The following VNN1 variants were observed in gnomAD, a reference collection of about 807,000 sequenced individuals.
VNN1 encodes the protein vanin 1, also known as pantetheinase.
VNN1 carries 29 observed loss-of-function variants against 41.9 expected under a neutral mutation model. The observed-to-expected ratio is 0.69, with a 90% CI of 0.52 to 0.94. The LOEUF is 0.94. Ranked by LOEUF, VNN1 falls within the 40% of genes least tolerant of loss-of-function variation. The pLI is 0.00. For missense variants in VNN1, 637 were observed against 621.1 expected (o/e 1.03, Z -0.27); for synonymous variants, 233 against 224.4 (o/e 1.04, Z -0.34).
At chr6:132,691,790 G>T (rs1418125645) in intron 5 of VNN1, among the ~76,000 whole-genome samples, 4 of 151,984 alleles carry the variant, frequency 2.6e-5, no homozygotes, top group African/African-American at 4.8e-5. Flanking sequence ...TGAGCTCGGG[G>T]AGTTTGAGAC....
chr6:132,697,319 T>C (rs1778388671), intron 2 of VNN1, among the ~76,000 whole-genome samples: 1 of 152,032 alleles, frequency 6.6e-6, no homozygotes, highest in Non-Finnish European at 1.5e-5. Context: ...GAGTGTAGAA[T>C]GTACTGGAAC....
chr6:132,706,388 A>C (rs1165973864), intron 2 of VNN1, among the ~76,000 whole-genome samples: 1 of 152,244 alleles, frequency 6.6e-6, no homozygotes, highest in African/African-American at 2.4e-5. Context: ...CAAAGATGCC[A>C]AGAGCATATA....
chr6:132,697,891 A>G (rs915752357), intron 2 of VNN1, among the ~76,000 whole-genome samples: 27 of 152,208 alleles, frequency 1.8e-4, no homozygotes, highest in African/African-American at 6.0e-4. Flanking sequence ...ACCACTTGAA[A>G]CATGTTTACC....
intron 2 of VNN1, among the ~76,000 whole-genome samples, chr6:132,705,719 G>A (rs765957200): frequency 2.3e-4 from 35 of 152,016 alleles, no homozygotes; most frequent in Non-Finnish European, 7.4e-5. Flanking sequence ...TGGAAAGGAG[G>A]AAAATTATTT....
At chr6:132,695,856 A>G (rs902084728) in intron 2 of VNN1, among the ~76,000 whole-genome samples, 1 of 152,272 alleles carries the variant, frequency 6.6e-6, no homozygotes. Context: ...AAACAAACAA[A>G]CAAACATAGC....
At chr6:132,692,965 T>C (rs1463306320) in intron 4 of VNN1, 59 bp downstream of exon 4, 1 of 1,499,628 alleles carries the variant, frequency 6.7e-7, no homozygotes, top group East Asian at 2.3e-5. Context: ...AAAACATGTT[T>C]TTTTTTTCTT....
At chr6:132,693,424 G>A (rs1457505088) in intron 3 of VNN1, 109 bp from the exon 4 acceptor site, 2 of 1,156,826 alleles carry the variant, frequency 1.7e-6, no homozygotes, top group Non-Finnish European at 2.4e-6. Flanking sequence ...TTTCATCTAT[G>A]ATCAGTGTTT....
intron 6 of VNN1, 68 bp downstream of exon 6, chr6:132,684,267 G>T: frequency 1.4e-6 from 2 of 1,469,686 alleles, no homozygotes; most frequent in Non-Finnish European, 1.8e-6. Flanking sequence ...AAGCACTTGA[G>T]CAGATTTTTA....
chr6:132,682,926 A>G lies in VNN1; in HGVS notation c.*214T>C, dbSNP rs1008985079. The G allele has an allele frequency of 9.2e-5, 32 of 347,624 alleles. No individual in the cohort carries two copies. The highest frequency in any genetic ancestry group is 5.0e-5 in the Non-Finnish European group (10 of 199,590). The allele number at this position is 347,624 out of a possible 1,614,324, so 21.5% of individuals were successfully genotyped here. ...TTGATATAATTAGCTCACGTCCAAG[A>G]AAGACCAATGTTCAAATATAGTTTT... On this transcript the variant is annotated 3_prime_UTR_variant, in exon 7 of 7. Coordinates refer to ENST00000367928, the MANE Select transcript of VNN1 (RefSeq NM_004666.3).
At chr6:132,696,013 C>T (rs1204465498) in intron 2 of VNN1, among the ~76,000 whole-genome samples, 3 of 152,090 alleles carry the variant, frequency 2.0e-5, no homozygotes, top group Non-Finnish European at 2.9e-5. Context: ...AAAATCATCC[C>T]TGAAAAGGAC....
intron 2 of VNN1, among the ~76,000 whole-genome samples, chr6:132,708,972 G>A (rs973883502): frequency 3.9e-5 from 6 of 152,080 alleles, no homozygotes; most frequent in African/African-American, 1.4e-4. Flanking sequence ...CTTCAGCCTG[G>A]AATGCACTTT....
At chr6:132,683,833 C>T (rs139707816) in intron 6 of VNN1, among the ~76,000 whole-genome samples, 1 of 152,332 alleles carries the variant, frequency 6.6e-6, no homozygotes, top group African/African-American at 2.4e-5. Context: ...CTGGGCAGAG[C>T]ACATGTGAAG....
At chr6:132,711,649 T>G in intron 2 of VNN1, 60 bp downstream of exon 2, 1 of 1,573,236 alleles carries the variant, frequency 6.4e-7, no homozygotes, top group Non-Finnish European at 8.6e-7. Flanking sequence ...ATCAACAAAG[T>G]TTTCCCAGGT....
At chr6:132,709,621 G>A (rs1480178241) in intron 2 of VNN1, among the ~76,000 whole-genome samples, 1 of 150,548 alleles carries the variant, frequency 6.6e-6, no homozygotes, top group Non-Finnish European at 1.5e-5. Context: ...CTGAGATCAC[G>A]CCACTGCACT....
chr6:132,688,873 G>A (rs1207915947), intron 5 of VNN1, among the ~76,000 whole-genome samples: 2 of 151,954 alleles, frequency 1.3e-5, no homozygotes, highest in African/African-American at 4.8e-5. Flanking sequence ...CACTGAGTAG[G>A]AGTAATGATT....
chr6:132,680,927 T>C lies in VNN1; in HGVS notation c.*2213A>G, dbSNP rs1000322579. ...GTGTAGTGCTTTTCAGACGTAACTA[T>C]TGGGAGTGTATTTTGAAATACATAT... On this transcript the variant is annotated 3_prime_UTR_variant, in exon 7 of 7. Transcript: ENST00000367928. 4.6e-5 allele frequency among the ~76,000 whole-genome samples: 7 copies of C among 152,180 alleles called. No individual in the cohort carries two copies. The East Asian group carries it at 1.2e-3, about 25-fold the overall frequency.
chr6:132,693,797 C>T (rs543231087), intron 3 of VNN1, among the ~76,000 whole-genome samples, 193 bp downstream of exon 3: 3 of 152,328 alleles, frequency 2.0e-5, no homozygotes, highest in Admixed American at 2.0e-4. Flanking sequence ...AAACACACTC[C>T]TGTGTTCTTA....
rs759303278 is a variant in VNN1, at chr6:132,693,195, G to A, written c.655C>T (p.Pro219Ser). 1.3e-5 allele frequency: 21 copies of A among 1,614,126 alleles called. No individual in the cohort carries two copies. Among genetic ancestry groups the A allele is most frequent in the Non-Finnish European group, 1.8e-5 (21 of 1,180,014 alleles). ...AAATCTTTCACCAAGGTAACAGCAGGATCATGGAAGAGTATATCAAAGCAT... is the reference window on the plus strand; with the variant it reads ...AAATCTTTCACCAAGGTAACAGCAGAATCATGGAAGAGTATATCAAAGCAT... ...FTCFDILFHD[P>S]AVTLVKDFHV... Residue 219 changes from proline (P) to serine (S), a missense_variant, in exon 4 of 7, where the codon CCT becomes TCT. Coordinates refer to ENST00000367928, the MANE Select transcript of VNN1 (RefSeq NM_004666.3).
At chr6:132,703,990 C>T (rs1778484326) in intron 2 of VNN1, among the ~76,000 whole-genome samples, 1 of 151,990 alleles carries the variant, frequency 6.6e-6, no homozygotes, top group South Asian at 2.1e-4. Context: ...ATAAAGAGGT[C>T]AATTCTGTCA....
Sources: gnomAD v4.1 joint callset for allele counts (sites outside exome capture counted in the v4.1 genomes callset) on GRCh38, gnomAD v4.1.1 for gene constraint, MANE v1.5 for transcripts, NCBI Gene and HGNC (gene_info 2026-07-23, HGNC 2026-07-21) for gene names.